SHQ1: variants seen among roughly 807,000 people sequenced by gnomAD.
SHQ1 encodes the protein SHQ1, H/ACA ribonucleoprotein assembly factor.
Under a neutral mutation model 53.8 loss-of-function variants are expected in SHQ1, and 49 were observed. The ratio of observed to expected loss-of-function variants is 0.91; its 90% CI spans 0.72 to 1.16. The LOEUF is 1.16. Ranked by LOEUF, SHQ1 falls within the 50% of genes most tolerant of loss-of-function variation. SHQ1 has a pLI of 0.00. For synonymous variants in SHQ1, 243 were observed against 251.0 expected, an observed-to-expected ratio of 0.97 and a Z score of 0.30; for missense variants, 738 against 683.1, an observed-to-expected ratio of 1.08 and a Z score of -0.90.
the SHQ1 span, among the ~76,000 whole-genome samples, chr3:72,738,183 T>G: frequency 6.6e-6 from 1 of 152,184 alleles, no homozygotes; most frequent in Non-Finnish European, 1.5e-5. Context: ...CCCTACTCAC[T>G]GAGTCCTTAG....
chr3:72,835,106 C>CTTTT (rs761840255), intron 4 of SHQ1, among the ~76,000 whole-genome samples: 2 of 130,774 alleles, frequency 1.5e-5, no homozygotes, highest in African/African-American at 2.8e-5. Context: ...CCATCAGCTT[C>CTTTT]TTTTTTTTTT....
At chr3:72,817,180 T>C in intron 7 of SHQ1, 50 bp downstream of exon 7, 1 of 1,561,078 alleles carries the variant, frequency 6.4e-7, no homozygotes, top group Non-Finnish European at 8.7e-7. Flanking sequence ...TTTAATGCAG[T>C]TTACTCAGCA....
intron 10 of SHQ1, among the ~76,000 whole-genome samples, chr3:72,755,286 GGATGGATGGATGGATA>G (rs1311332638): frequency 6.6e-6 from 1 of 152,064 alleles, no homozygotes; most frequent in African/African-American, 2.4e-5. Context: ...ATGGATGGAT[GGATGGATGGATGGATA>G]GATGGATGGA....
At chr3:72,743,620 G>A in the SHQ1 span, among the ~76,000 whole-genome samples, 1 of 152,190 alleles carries the variant, frequency 6.6e-6, no homozygotes, top group East Asian at 1.9e-4. Flanking sequence ...GATGCTAGGT[G>A]GGGATTACTA....
rs760378719 is a variant in SHQ1, at chr3:72,848,185, A to G, written c.143+13T>C. On this transcript the variant is annotated intron_variant, in intron 1 of 10. Coordinates refer to ENST00000325599, the MANE Select transcript of SHQ1 (RefSeq NM_018130.3). ...GAATGCGCCTTTCCTGCGGCCAGGC[A>G]CCCCGAACTCGCCTGAGAAAGTATG... 6.2e-7 allele frequency: 1 copy of G among 1,614,034 alleles called. No homozygotes were observed. Among genetic ancestry groups the G allele is most frequent in the Non-Finnish European group, 8.5e-7 (1 of 1,179,990 alleles).
intron 10 of SHQ1, among the ~76,000 whole-genome samples, chr3:72,769,507 T>C (rs1705801174): frequency 1.3e-5 from 2 of 152,186 alleles, no homozygotes; most frequent in Admixed American, 6.5e-5. Context: ...AGAACAATTA[T>C]TTTTACTTTG....
intron 9 of SHQ1, among the ~76,000 whole-genome samples, chr3:72,805,322 T>C (rs111969687): frequency 4.6e-5 from 7 of 152,318 alleles, no homozygotes; most frequent in African/African-American, 1.4e-4. Context: ...TAAAGTATTA[T>C]TCAATTCACT....
At chr3:72,734,384 C>T in the SHQ1 span, among the ~76,000 whole-genome samples, 2 of 150,940 alleles carry the variant, frequency 1.3e-5, no homozygotes, top group Non-Finnish European at 3.0e-5. Flanking sequence ...GCCTCCCAAG[C>T]AGCTGGGATT....
chr3:72,751,508 G>GTGTGTGTGTGTGTGTATA (rs1210782182), intron 10 of SHQ1, among the ~76,000 whole-genome samples: 2 of 116,984 alleles, frequency 1.7e-5, no homozygotes, highest in African/African-American at 8.9e-5. Context: ...GTGTGTGTGT[G>GTGTGTGTGTGTGTGTATA]TATATATATA....
chr3:72,837,759 A>G (rs1708045243), intron 4 of SHQ1, among the ~76,000 whole-genome samples: 1 of 152,252 alleles, frequency 6.6e-6, no homozygotes, highest in Non-Finnish European at 1.5e-5. Context: ...AATTAGGGTC[A>G]TATTATTAAC....
At chr3:72,832,586 C>A (rs1025097079) in intron 4 of SHQ1, 105 bp from the exon 5 acceptor site, 5 of 719,504 alleles carry the variant, frequency 6.9e-6, no homozygotes, top group African/African-American at 1.8e-5. Flanking sequence ...CCTAACTGAT[C>A]AGTAAACCAT....
intron 10 of SHQ1, among the ~76,000 whole-genome samples, chr3:72,757,387 T>A (rs1705518462): frequency 6.6e-6 from 1 of 151,438 alleles, no homozygotes; most frequent in African/African-American, 2.4e-5. Flanking sequence ...TTTCCTTTTT[T>A]TTTTTTTTTT....
intron 9 of SHQ1, among the ~76,000 whole-genome samples, chr3:72,805,529 G>A (rs1706913382): frequency 6.6e-6 from 1 of 152,098 alleles, no homozygotes; most frequent in Admixed American, 6.5e-5. Context: ...ATTTAAAGAG[G>A]CACTAATTAT....
intron 7 of SHQ1, 142 bp downstream of exon 7, chr3:72,817,088 C>T (rs1707341062): frequency 1.2e-6 from 1 of 806,464 alleles, no homozygotes; most frequent in African/African-American, 1.8e-5. Flanking sequence ...ACCACCACCA[C>T]CACACACATG....
rs74716964 is a variant in SHQ1 at position 72,804,735 on chromosome 3, C to A, written c.1060+7936G>T. ...TTGGGATATGGTGGCTCACACCTGT[C>A]AACCAGCACTTTGGGAGGCTGAGGC... On this transcript the variant is annotated intron_variant, in intron 9 of 10. Transcript: ENST00000325599. 5.1e-3 allele frequency among the ~76,000 whole-genome samples: 776 copies of A among 152,214 alleles called. 10 individuals carry two copies. The highest frequency in any genetic ancestry group is 0.018 in the African/African-American group (746 of 41,530).
chr3:72,844,358 C>T lies in SHQ1; in HGVS notation c.208+1G>A. 6.2e-7 allele frequency: 1 copy of T among 1,612,744 alleles called. No individual in the cohort carries two copies. The highest frequency in any genetic ancestry group is 8.5e-7 in the Non-Finnish European group (1 of 1,179,084). ...ACTAACAAAAATTCCAAAGACAATA[C>T]CTTTATCTGCATCATAGGACCCTTG... On this transcript the variant is annotated splice_donor_variant, in intron 2 of 10. Coordinates refer to ENST00000325599, the MANE Select transcript of SHQ1 (RefSeq NM_018130.3). LOFTEE classifies it high-confidence loss of function.
intron 9 of SHQ1, among the ~76,000 whole-genome samples, chr3:72,801,463 G>T (rs368238640): frequency 6.6e-6 from 1 of 152,056 alleles, no homozygotes; most frequent in African/African-American, 2.4e-5. Flanking sequence ...AATTGCATGA[G>T]GTTGGAAAGA....
At chr3:72,739,127 T>C in the SHQ1 span, among the ~76,000 whole-genome samples, 1 of 152,264 alleles carries the variant, frequency 6.6e-6, no homozygotes, top group Non-Finnish European at 1.5e-5. Context: ...GCCCGCCTGC[T>C]TCGCAGTTGG....
chr3:72,793,126 T>C, intron 9 of SHQ1, 90 bp from the exon 10 acceptor site: 3 of 1,166,622 alleles, frequency 2.6e-6, no homozygotes, highest in Non-Finnish European at 3.6e-6. Context: ...CTCAGAATCC[T>C]GATCATTTCT....
Sources: allele counts gnomAD v4.1 joint callset (sites outside exome capture counted in the v4.1 genomes callset), GRCh38; gene constraint gnomAD v4.1.1; transcripts MANE v1.5; gene names NCBI Gene and HGNC (gene_info 2026-07-23, HGNC 2026-07-21).